Variants in ALK observed in about 807,000 individuals in gnomAD.
ALK encodes the protein ALK receptor tyrosine kinase.
In ALK, 74 loss-of-function variants were observed where a neutral mutation model predicts 163.1. That is an observed-to-expected ratio of 0.45 (90% CI 0.38 to 0.55). ALK has a LOEUF of 0.55. Ranked by LOEUF, ALK falls within the 20% of genes least tolerant of loss-of-function variation. ALK has a pLI of 0.00. For synonymous variants in ALK, 960 were observed against 843.2 expected (o/e 1.14, Z -2.40); for missense variants, 2,063 against 2,105.3 (o/e 0.98, Z 0.39).
chr2:29,473,102 A>T (rs1250901340), intron 4 of ALK, among the ~76,000 whole-genome samples: 2 of 152,248 alleles, frequency 1.3e-5, no homozygotes, highest in African/African-American at 2.4e-5. Context: ...ACAGTACCAG[A>T]TATCAAGACA....
chr2:29,878,533 CA>C (rs1666779095), intron 1 of ALK, among the ~76,000 whole-genome samples: 1 of 152,158 alleles, frequency 6.6e-6, no homozygotes, highest in Admixed American at 6.5e-5. Context: ...CATTCCTAGG[CA>C]AATATGCTGA....
chr2:29,668,650 G>C (rs533989148), intron 3 of ALK, among the ~76,000 whole-genome samples: 2 of 152,200 alleles, frequency 1.3e-5, no homozygotes, highest in South Asian at 4.1e-4. Flanking sequence ...GTTCAGCCTT[G>C]TTTTGTGGCC....
intron 4 of ALK, among the ~76,000 whole-genome samples, chr2:29,508,733 CAAAAAAAAAAAA>C (rs60719550): frequency 2.1e-4 from 14 of 65,496 alleles, no homozygotes; most frequent in African/African-American, 9.5e-4. Context: ...ATCTGCAACT[CAAAAAAAAAAAA>C]AAAAAAAAAA....
At chr2:29,578,783 G>T (rs4665470) in intron 3 of ALK, among the ~76,000 whole-genome samples, 119,109 of 152,052 alleles carry the variant, frequency 0.78, 46,947 homozygotes, top group Non-Finnish European at 0.84. Context: ...GAGTCTAAGG[G>T]CCAGAGCAGT....
At chr2:29,593,791 C>G (rs1675127365) in intron 3 of ALK, among the ~76,000 whole-genome samples, 2 of 152,208 alleles carry the variant, frequency 1.3e-5, no homozygotes, top group South Asian at 4.1e-4. Context: ...CTATGGCAAA[C>G]CAGTGTATTC....
intron 20 of ALK, 34 bp from the exon 21 acceptor site, chr2:29,222,641 C>G (rs759027046): frequency 1.9e-6 from 3 of 1,595,206 alleles, no homozygotes; most frequent in Non-Finnish European, 2.6e-6. Context: ...GAGACAGAGT[C>G]AAACAGGCCA....
intron 4 of ALK, among the ~76,000 whole-genome samples, chr2:29,403,164 G>A (rs374517875): frequency 1.8e-4 from 28 of 152,316 alleles, no homozygotes; most frequent in South Asian, 4.1e-4. Context: ...AAGGTGGTAA[G>A]TGCTGAACAA....
intron 1 of ALK, among the ~76,000 whole-genome samples, chr2:29,784,239 G>C (rs1343515840): frequency 6.6e-6 from 1 of 152,196 alleles, no homozygotes; most frequent in Non-Finnish European, 1.5e-5. Context: ...ACAAAGATGG[G>C]ATGAAAGGAA....
intron 4 of ALK, among the ~76,000 whole-genome samples, chr2:29,392,874 G>T (rs1175877192): frequency 6.6e-6 from 1 of 152,194 alleles, no homozygotes. Flanking sequence ...GTTGCTGACT[G>T]GTCAAGGTTA....
chr2:29,288,884 G>A (rs1038338512), intron 9 of ALK, among the ~76,000 whole-genome samples: 4 of 149,922 alleles, frequency 2.7e-5, no homozygotes, highest in Admixed American at 6.7e-5. Flanking sequence ...CCCAGGAGGT[G>A]GAGGTTGCAA....
intron 3 of ALK, among the ~76,000 whole-genome samples, chr2:29,636,464 G>T (rs1676535487): frequency 6.6e-6 from 1 of 151,958 alleles, no homozygotes. Flanking sequence ...AATGAATCAT[G>T]GACTTAAATG....
chr2:29,702,984 C>A (rs553196769), intron 2 of ALK, among the ~76,000 whole-genome samples: 2 of 152,278 alleles, frequency 1.3e-5, no homozygotes, highest in African/African-American at 2.4e-5. Flanking sequence ...TTTCTTGGGT[C>A]TGATTGGGAT....
chr2:29,823,644 T>C (rs1665113126), intron 1 of ALK, among the ~76,000 whole-genome samples: 1 of 152,270 alleles, frequency 6.6e-6, no homozygotes, highest in Admixed American at 6.5e-5. Flanking sequence ...GGTCCAGAGA[T>C]TTGTGGAACT....
chr2:29,293,180 A>G (rs1240853262), intron 9 of ALK, among the ~76,000 whole-genome samples: 1 of 152,260 alleles, frequency 6.6e-6, no homozygotes, highest in Non-Finnish European at 1.5e-5. Flanking sequence ...AGTATTTATT[A>G]TAAAGCAATC....
intron 1 of ALK, among the ~76,000 whole-genome samples, chr2:29,725,869 C>A (rs1264169006): frequency 6.6e-6 from 1 of 152,176 alleles, no homozygotes; most frequent in East Asian, 1.9e-4. Flanking sequence ...TCTTCAGAAC[C>A]TGTATCTCTC....
At chr2:29,234,616 AG>A in intron 13 of ALK, among the ~76,000 whole-genome samples, 1 of 152,276 alleles carries the variant, frequency 6.6e-6, no homozygotes, top group South Asian at 2.1e-4. Flanking sequence ...AAACTGTGAC[AG>A]GGGCCCTCGA....
intron 4 of ALK, among the ~76,000 whole-genome samples, chr2:29,428,759 A>G (rs1670204490): frequency 6.6e-6 from 1 of 152,052 alleles, no homozygotes; most frequent in Non-Finnish European, 1.5e-5. Flanking sequence ...AACGCATTCT[A>G]CGATGTCAGT....
chr2:29,464,388 C>T (rs1415735026), intron 4 of ALK, among the ~76,000 whole-genome samples: 2 of 152,112 alleles, frequency 1.3e-5, no homozygotes, highest in East Asian at 1.9e-4. Context: ...CTTTGCAGGT[C>T]GTCAACTATT....
In ALK at chr2:29,750,630, G is replaced by GGGAAGGAAGGAAGGAA. The variant is rs1189354098; in HGVS notation, c.668-32949_668-32934dup. Among the ~76,000 whole-genome samples, 13 of 71,900 alleles carry GGGAAGGAAGGAAGGAA rather than the reference G, an allele frequency of 1.8e-4. No homozygotes were observed. The East Asian group carries it at 2.7e-3, about 15-fold the overall frequency. The allele number at this position is 71,900 out of a possible 152,430, so 47.2% of individuals were successfully genotyped here. The stretch of plus-strand genomic sequence containing the variant: ...GGAGTGGAGTGTAACGGAACAGAAT[G>GGGAAGGAAGGAAGGAA]GGAAGGAAGGAAGGAAGGAAGGAAG... On this transcript the variant is annotated intron_variant, in intron 1 of 28. Transcript: ENST00000389048.
Sources: allele counts gnomAD v4.1 joint callset (sites outside exome capture counted in the v4.1 genomes callset), GRCh38; gene constraint gnomAD v4.1.1; transcripts MANE v1.5; gene names NCBI Gene and HGNC (gene_info 2026-07-23, HGNC 2026-07-21).